MXD4: variants seen among roughly 807,000 people sequenced by gnomAD.
MXD4 encodes the protein MAX dimerization protein 4.
A neutral mutation model predicts 24.5 loss-of-function variants in MXD4; 16 were observed. That is an observed-to-expected ratio of 0.65 (90% CI 0.44 to 0.99). The LOEUF is 0.99. MXD4 is among the 50% of genes least tolerant of loss of function. The probability of loss-of-function intolerance (pLI) is 0.00; values close to 1 mark genes in which losing one functional copy is unlikely to be tolerated. For missense variants in MXD4, 301 were observed against 301.5 expected (o/e 1.00, Z 0.01); for synonymous variants, 164 against 134.2 (o/e 1.22, Z -1.54).
chr4:2,261,551 G>A (rs1169993812), intron 2 of MXD4, among the ~76,000 whole-genome samples, 174 bp downstream of exon 2: 1 of 147,720 alleles, frequency 6.8e-6, no homozygotes, highest in African/African-American at 2.4e-5. Flanking sequence ...GGGCGGGGCC[G>A]GCCGGGCGGG....
At chr4:2,260,935 C>T (rs1447235146) in intron 2 of MXD4, among the ~76,000 whole-genome samples, 51 of 152,344 alleles carry the variant, frequency 3.3e-4, no homozygotes, top group East Asian at 3.9e-4. Flanking sequence ...AGGGTCCCCA[C>T]TCCCCACGCG....
At chr4:2,251,969 T>C (rs1735333032) in intron 4 of MXD4, among the ~76,000 whole-genome samples, 1 of 152,128 alleles carries the variant, frequency 6.6e-6, no homozygotes, top group Non-Finnish European at 1.5e-5. Flanking sequence ...CAGCTCCCGC[T>C]GCCCCAACCC....
intron 3 of MXD4, chr4:2,253,156 G>A (rs1458780106): frequency 1.3e-5 from 2 of 153,264 alleles, no homozygotes; most frequent in African/African-American, 4.8e-5. Context: ...TCACACTCAA[G>A]GGTACTTGCT....
At position 2,249,910 on chromosome 4, in the gene MXD4, G is replaced by A. The variant is rs1477207570; in HGVS notation, c.*634C>T. 6.5e-6 allele frequency: 1 copy of A among 153,796 alleles called. No homozygotes were observed. Among genetic ancestry groups the A allele is most frequent in the Non-Finnish European group, 1.5e-5 (1 of 68,884 alleles). 9.5% of individuals were successfully genotyped at this position (153,796 alleles called of 1,614,324 possible). A position where few individuals can be genotyped will look rare whatever the true frequency, so the allele number is the denominator to read the frequency against. ...TGCGTCTGACAGTCCTACCAGAGCA[G>A]ACGCTGCCCAGCTCGGCGTGGGCTG... On this transcript the variant is annotated 3_prime_UTR_variant, in exon 6 of 6. Transcript: ENST00000337190.
chr4:2,260,887 C>A (rs1378973934), intron 2 of MXD4, among the ~76,000 whole-genome samples: 13 of 152,188 alleles, frequency 8.5e-5, no homozygotes, highest in Non-Finnish European at 1.8e-4. Flanking sequence ...GTCCTCACAG[C>A]AGCCAGGAGG....
chr4:2,251,245 T>C lies in MXD4; in HGVS notation c.311A>G (p.Lys104Arg). ...LLKRAKVHIKKLEEQDRRALS... is the reference protein window; with the variant it reads ...LLKRAKVHIKRLEEQDRRALS... ...TGCCCGGCGGTCCTGCTCCTCCAGT[T>C]TCTGGGGTCGAGGGGGGCTGTGAGC... Residue 104 changes from lysine (K) to arginine (R), a missense_variant and splice_region_variant, in exon 5 of 6, where the codon AAA (lysine) becomes AGA (arginine). Transcript: ENST00000337190. 6.3e-7 allele frequency: 1 copy of C among 1,592,418 alleles called. No homozygotes were observed.
chr4:2,255,103 C>A (rs1032118476), intron 3 of MXD4: 11 of 364,552 alleles, frequency 3.0e-5, no homozygotes, highest in Non-Finnish European at 4.9e-5. Context: ...GTGCAGTCAT[C>A]AGGGATGAGA....
intron 3 of MXD4, chr4:2,253,725 G>C (rs939459864): frequency 1.3e-5 from 2 of 152,314 alleles, no homozygotes; most frequent in African/African-American, 4.8e-5. Context: ...TCTGGACAGA[G>C]GAGGAGCCTG....
chr4:2,255,034 G>C, intron 3 of MXD4: 1 of 350,378 alleles, frequency 2.9e-6, no homozygotes, highest in South Asian at 2.1e-5. Flanking sequence ...CTGTCCGGAA[G>C]TCCCTGTGTA....
intron 2 of MXD4, among the ~76,000 whole-genome samples, chr4:2,260,907 C>A (rs1735526342): frequency 6.6e-6 from 1 of 152,152 alleles, no homozygotes; most frequent in South Asian, 2.1e-4. Context: ...GGTGGAAATC[C>A]CCGGGGAGCC....
rs1560111662 is a variant in MXD4 at position 2,249,448 on chromosome 4, G to C, written c.*1096C>G. ...TTTAGGCTTTCTTCTTTTTAAAAAT[G>C]GTTTTTTTTTTTTTTCTGGGAAAGC... On this transcript the variant is annotated 3_prime_UTR_variant, in exon 6 of 6. Coordinates refer to ENST00000337190, the MANE Select transcript of MXD4 (RefSeq NM_006454.3). 2 of 141,112 alleles carry C rather than the reference G, an allele frequency of 1.4e-5. No individual in the cohort carries two copies. Among genetic ancestry groups the C allele is most frequent in the African/African-American group, 5.7e-5 (2 of 35,334 alleles). 8.7% of individuals were successfully genotyped at this position (141,112 alleles called of 1,614,324 possible).
chr4:2,255,388 C>T (rs1474814262), intron 3 of MXD4: 1 of 456,290 alleles, frequency 2.2e-6, no homozygotes, highest in Non-Finnish European at 4.4e-6. Context: ...TCTGACCACA[C>T]ACACGCACTG....
chr4:2,257,365 G>A (rs1163496476), intron 3 of MXD4, among the ~76,000 whole-genome samples: 1 of 152,062 alleles, frequency 6.6e-6, no homozygotes, highest in African/African-American at 2.4e-5. Flanking sequence ...CCTGCCTCTA[G>A]GGCTGCCTCT....
In MXD4 at chr4:2,251,222, C is replaced by A; in HGVS notation, c.334G>T (p.Ala112Ser). 1.2e-6 allele frequency: 2 copies of A among 1,605,180 alleles called. No homozygotes were observed. Among genetic ancestry groups the A allele is most frequent in the Non-Finnish European group, 8.5e-7 (1 of 1,174,982 alleles). ...IKKLEEQDRR[A>S]LSIKEQLQQE... is the part of the protein sequence containing the mutation. ...TGCAGCTGCTCCTTGATGCTCAGTG[C>A]CCGGCGGTCCTGCTCCTCCAGTTTC... The change falls in exon 5 of 6, where the codon GCA becomes TCA. Residue 112 changes from alanine (A) to serine (S), a missense_variant. Physicochemically the swap from Ala to Ser is moderately conservative, Grantham distance 99. Coordinates refer to ENST00000337190, the MANE Select transcript of MXD4 (RefSeq NM_006454.3).
Position 2,259,104 on chromosome 4 carries a change from A to G in MXD4, c.165-1093T>C, listed in dbSNP as rs761930939. ...TCAGACTGCCTCGGGGCACCTCCAG[A>G]CCCAGCCCTGAGGCCTCTCCCTGCC... is the stretch of plus-strand genomic sequence containing the variant. On this transcript the variant is annotated intron_variant, in intron 2 of 5. Transcript: ENST00000337190. The G allele has an allele frequency of 4.7e-5, 18 of 381,208 alleles. No homozygotes were observed. The East Asian group carries it at 8.2e-4, about 17-fold the overall frequency. The allele number at this position is 381,208 out of a possible 1,614,324, so 23.6% of individuals were successfully genotyped here. A position where few individuals can be genotyped will look rare whatever the true frequency, so the allele number is the denominator to read the frequency against.
At chr4:2,251,656 T>TG (rs1735325771) in intron 4 of MXD4, among the ~76,000 whole-genome samples, 1 of 152,248 alleles carries the variant, frequency 6.6e-6, no homozygotes, top group Non-Finnish European at 1.5e-5. Context: ...CATCGGGCTG[T>TG]GGCCTATGCC....
chr4:2,260,583 G>T (rs1441089047), intron 2 of MXD4: 1 of 455,600 alleles, frequency 2.2e-6, no homozygotes, highest in Admixed American at 2.4e-5. Context: ...CTGAGGCAAT[G>T]GTTCCCTCGT....
In MXD4 at chr4:2,258,706, G is replaced by A. The variant is rs544624892; in HGVS notation, c.165-695C>T. Among the ~76,000 whole-genome samples, 7 of 152,328 alleles carry A rather than the reference G, an allele frequency of 4.6e-5. No homozygotes were observed. In the South Asian group the frequency reaches 6.2e-4, roughly 14 times the overall value. ...CAATGGGGACCAGGGACACAGCAGC[G>A]TCAGCCAGGTCAGCCCATGAGGGGG... On this transcript the variant is annotated intron_variant, in intron 2 of 5. Coordinates refer to ENST00000337190, the MANE Select transcript of MXD4 (RefSeq NM_006454.3).
At chr4:2,257,502 C>G (rs77251189) in intron 3 of MXD4, among the ~76,000 whole-genome samples, 1 of 152,242 alleles carries the variant, frequency 6.6e-6, no homozygotes, top group African/African-American at 2.4e-5. Context: ...ATGAACACCC[C>G]GCAGCTTTAC....
Sources: allele counts gnomAD v4.1 joint callset (sites outside exome capture counted in the v4.1 genomes callset), GRCh38; gene constraint gnomAD v4.1.1; transcripts MANE v1.5; gene names NCBI Gene and HGNC (gene_info 2026-07-23, HGNC 2026-07-21).